Variants in ZNF589 observed in about 807,000 individuals in gnomAD.
ZNF589 encodes the protein zinc finger protein 589.
A neutral mutation model predicts 13.6 loss-of-function variants in ZNF589; 17 were observed. The observed-to-expected ratio is 1.25, with a 90% CI of 0.86 to 1.88. ZNF589 has a LOEUF of 1.88. Among genes scored for constraint, ZNF589 ranks in the 40% most tolerant of loss-of-function variants. ZNF589 has a pLI of 0.00. For synonymous variants in ZNF589, 148 were observed against 161.6 expected (o/e 0.92, Z 0.64); for missense variants, 407 against 434.0 (o/e 0.94, Z 0.55).
chr3:48,263,626 A>G (rs2033989759), intron 3 of ZNF589, among the ~76,000 whole-genome samples: 2 of 152,098 alleles, frequency 1.3e-5, no homozygotes, highest in Non-Finnish European at 2.9e-5. Flanking sequence ...CGGCATGGTG[A>G]TGTGCACCTG....
At chr3:48,265,433 G>A (rs979476781) in intron 3 of ZNF589, among the ~76,000 whole-genome samples, 6 of 151,188 alleles carry the variant, frequency 4.0e-5, no homozygotes, top group African/African-American at 1.5e-4. Flanking sequence ...ATTACAGGCC[G>A]GCGCCACCAT....
At chr3:48,257,789 C>T in intron 2 of ZNF589, 14 of 201,676 alleles carry the variant, frequency 6.9e-5, no homozygotes, top group East Asian at 4.5e-4. Context: ...TGTGAATATC[C>T]AGTTGGTCCA....
chr3:48,254,627 T>A (rs1254347073), intron 2 of ZNF589, among the ~76,000 whole-genome samples: 1 of 152,236 alleles, frequency 6.6e-6, no homozygotes, highest in African/African-American at 2.4e-5. Context: ...GTTTAGATCA[T>A]CTTTGATTTC....
At chr3:48,264,475 A>G (rs1459204483) in intron 3 of ZNF589, among the ~76,000 whole-genome samples, 6 of 147,938 alleles carry the variant, frequency 4.1e-5, no homozygotes, top group African/African-American at 1.3e-4. Context: ...GGAAGTTGCA[A>G]TGAGGCAAGA....
chr3:48,244,005 T>TGGAG (rs1362530775), intron 1 of ZNF589, among the ~76,000 whole-genome samples: 2 of 152,156 alleles, frequency 1.3e-5, no homozygotes, highest in Non-Finnish European at 2.9e-5. Flanking sequence ...GTTCCCTTTT[T>TGGAG]GGAGGACTTA....
intron 1 of ZNF589, among the ~76,000 whole-genome samples, chr3:48,246,326 G>C (rs1195777306): frequency 6.8e-6 from 1 of 146,114 alleles, no homozygotes; most frequent in Non-Finnish European, 1.6e-5. Flanking sequence ...CAATCAATCA[G>C]TTCCACAATA....
chr3:48,254,857 GT>G (rs770478107), intron 2 of ZNF589, among the ~76,000 whole-genome samples: 61 of 145,352 alleles, frequency 4.2e-4, no homozygotes, highest in South Asian at 6.6e-4. Flanking sequence ...TAGTTCCAAG[GT>G]TTTTTTTTTT....
chr3:48,260,812 G>A lies in ZNF589; in HGVS notation c.97-1G>A. On this transcript the variant is annotated splice_acceptor_variant, in intron 2 of 3. Transcript: ENST00000354698. LOFTEE classifies it high-confidence loss of function. ...GAATATGAATTTATCGGTTGATTTA[G>A]GGACCAGTGACTTTCGAGGATGTGG... 1 of 1,614,128 alleles carries A rather than the reference G, an allele frequency of 6.2e-7. No homozygotes were observed. Among genetic ancestry groups the A allele is most frequent in the East Asian group, 2.2e-5 (1 of 44,888 alleles).
rs1386933854 is a variant in ZNF589 at position 48,250,391 on chromosome 3, G to T, written c.96+2714G>T. ...GGTCTCAAACTCCTGGACTCAAGCA[G>T]TCCTCCCCTCTTGGACTCTCAAAGT... On this transcript the variant is annotated intron_variant, in intron 2 of 3. Transcript: ENST00000354698. Among the ~76,000 whole-genome samples, 12 of 144,928 alleles carry T rather than the reference G, an allele frequency of 8.3e-5. No homozygotes were observed. The Admixed American group carries it at 8.5e-4, about 10-fold the overall frequency.
intron 2 of ZNF589, among the ~76,000 whole-genome samples, chr3:48,249,710 G>A (rs1264311934): frequency 6.6e-6 from 1 of 152,146 alleles, no homozygotes; most frequent in Non-Finnish European, 1.5e-5. Flanking sequence ...ACAATGTGAT[G>A]TTTTCACACA....
At chr3:48,242,169 T>C (rs2033706185) in intron 1 of ZNF589, among the ~76,000 whole-genome samples, 1 of 151,748 alleles carries the variant, frequency 6.6e-6, no homozygotes, top group African/African-American at 2.4e-5. Flanking sequence ...TGGAGTGCAG[T>C]GGGCGATCTC....
chr3:48,269,642 A>G lies in ZNF589; in HGVS notation c.*856A>G. 3.0e-6 allele frequency: 1 copy of G among 336,814 alleles called. No homozygotes were observed. The highest frequency in any genetic ancestry group is 2.6e-5 in the South Asian group (1 of 39,054). The allele number at this position is 336,814 out of a possible 1,614,324, so 20.9% of individuals were successfully genotyped here. ...CGTGGAGTGTGGGCAAAGCTTTAGG[A>G]GAAAGTCACAGCTCATCATACACCA... On this transcript the variant is annotated 3_prime_UTR_variant, in exon 4 of 4. Coordinates refer to ENST00000354698, the MANE Select transcript of ZNF589 (RefSeq NM_016089.3).
intron 1 of ZNF589, among the ~76,000 whole-genome samples, chr3:48,244,015 A>AT (rs2033732696): frequency 6.6e-6 from 1 of 152,186 alleles, no homozygotes; most frequent in South Asian, 2.1e-4. Flanking sequence ...TGGAGGACTT[A>AT]TTTGCCTCTC....
rs1396183011 is a variant in ZNF589 at position 48,268,781 on chromosome 3, G to A, written c.1090G>A (p.Asp364Asn). 6.2e-7 allele frequency: 1 copy of A among 1,610,474 alleles called. No homozygotes were observed. Among genetic ancestry groups the A allele is most frequent in the Admixed American group, 1.7e-5 (1 of 59,800 alleles). ...GGGGGATAAGCCTTATGTGTGCAGAGATTGAGGCCGAGGCTTTGTAAGGAG... is the reference window on the plus strand; with the variant it reads ...GGGGGATAAGCCTTATGTGTGCAGAAATTGAGGCCGAGGCTTTGTAAGGAG... ...HTGDKPYVCR[D>N] Residue 364 changes from aspartate to asparagine, a missense_variant, in exon 4 of 4, where the codon GAT becomes AAT. By Grantham distance (23) the Asp-to-Asn change is conservative. Transcript: ENST00000354698.
chr3:48,241,524 TTATTA>T (rs920850858), intron 1 of ZNF589, among the ~76,000 whole-genome samples: 6 of 152,242 alleles, frequency 3.9e-5, no homozygotes, highest in South Asian at 2.1e-4. Context: ...GCATTTTGTA[TTATTA>T]TATTATATCA....
intron 2 of ZNF589, among the ~76,000 whole-genome samples, chr3:48,248,309 C>T (rs991555017): frequency 3.9e-5 from 6 of 152,176 alleles, no homozygotes; most frequent in African/African-American, 7.2e-5. Context: ...AGAGGGATTA[C>T]GTGATTTATG....
At chr3:48,265,925 T>G (rs2034015048) in intron 3 of ZNF589, among the ~76,000 whole-genome samples, 1 of 152,104 alleles carries the variant, frequency 6.6e-6, no homozygotes, top group African/African-American at 2.4e-5. Context: ...GCATTGCGCT[T>G]TGTGCTCTGT....
intron 2 of ZNF589, among the ~76,000 whole-genome samples, chr3:48,256,180 G>T (rs942694333): frequency 2.2e-4 from 34 of 152,304 alleles, no homozygotes; most frequent in Admixed American, 7.2e-4. Flanking sequence ...TACTGGGGAG[G>T]CCAAGGGTAC....
At chr3:48,251,199 A>G (rs1158951782) in intron 2 of ZNF589, among the ~76,000 whole-genome samples, 2 of 152,206 alleles carry the variant, frequency 1.3e-5, no homozygotes, top group Non-Finnish European at 2.9e-5. Context: ...TCATTGAGGC[A>G]GAGTGGAAGA....
Sources: gnomAD v4.1 joint callset for allele counts (sites outside exome capture counted in the v4.1 genomes callset) on GRCh38, gnomAD v4.1.1 for gene constraint, MANE v1.5 for transcripts, NCBI Gene and HGNC (gene_info 2026-07-23, HGNC 2026-07-21) for gene names.